Variants in RAMP1 observed in about 807,000 individuals in gnomAD.
RAMP1 encodes receptor activity modifying protein 1.
RAMP1 carries 7 observed loss-of-function variants against 8.2 expected under a neutral mutation model. The observed-to-expected ratio is 0.85, with a 90% CI of 0.49 to 1.60. The LOEUF (loss-of-function observed/expected upper bound fraction) is 1.60, where lower values mean the gene tolerates loss of function less well. RAMP1 is among the 40% of genes most tolerant of loss of function. RAMP1 has a pLI of 0.00. For synonymous variants in RAMP1, 92 were observed against 84.7 expected, an observed-to-expected ratio of 1.09 and a Z score of -0.47; for missense variants, 192 against 202.4, an observed-to-expected ratio of 0.95 and a Z score of 0.31.
At chr2:237,905,205 T>C (rs1473369226) in intron 2 of RAMP1, among the ~76,000 whole-genome samples, 1 of 152,156 alleles carries the variant, frequency 6.6e-6, no homozygotes, top group Admixed American at 6.5e-5. Flanking sequence ...TTCATGACTA[T>C]TTTGGGTCCT....
In RAMP1 at chr2:237,912,099, T is replaced by C. The variant is rs533175387; in HGVS notation, c.*316T>C. The C allele has an allele frequency of 3.4e-3, 1,261 of 374,272 alleles. 9 individuals carry two copies. The highest frequency in any genetic ancestry group is 5.1e-3 in the Admixed American group (124 of 24,522). 23.2% of individuals were successfully genotyped at this position (374,272 alleles called of 1,614,324 possible). A position where few individuals can be genotyped will look rare whatever the true frequency, so the allele number is the denominator to read the frequency against. On this transcript the variant is annotated 3_prime_UTR_variant, in exon 3 of 3. Coordinates refer to ENST00000254661, the MANE Select transcript of RAMP1 (RefSeq NM_005855.4). Reference sequence around the variant, plus strand: ...GAGTGGTTTGTGATTAAAAGGGATGTTCTTGAACTTGGAAAGACTCATTAT... The same window carrying C: ...GAGTGGTTTGTGATTAAAAGGGATGCTCTTGAACTTGGAAAGACTCATTAT...
At position 237,859,644 on chromosome 2, in the gene RAMP1, C is replaced by T. The variant is rs1462211156; in HGVS notation, c.-32C>T. 2.1e-6 allele frequency: 3 copies of T among 1,432,868 alleles called. No homozygotes were observed. Among genetic ancestry groups the T allele is most frequent in the South Asian group, 1.4e-5 (1 of 70,512 alleles). The allele number at this position is 1,432,868 out of a possible 1,614,324, so 88.8% of individuals were successfully genotyped here. On this transcript the variant is annotated 5_prime_UTR_variant, in exon 1 of 3. Coordinates refer to ENST00000254661, the MANE Select transcript of RAMP1 (RefSeq NM_005855.4). Reference sequence around the variant, plus strand: ...GCTCAGTCCTCAGCGGGGCGCGTGGCGAGCGGACTCGACTCGGCACCGCTG... The same window carrying T: ...GCTCAGTCCTCAGCGGGGCGCGTGGTGAGCGGACTCGACTCGGCACCGCTG...
chr2:237,909,361 C>A (rs1456929791), intron 2 of RAMP1, among the ~76,000 whole-genome samples: 3 of 144,734 alleles, frequency 2.1e-5, no homozygotes, highest in African/African-American at 7.4e-5. Context: ...CCTTGCCGAG[C>A]CTGTGCCTGT....
chr2:237,880,733 G>A (rs1169717333), intron 2 of RAMP1, among the ~76,000 whole-genome samples: 2 of 152,174 alleles, frequency 1.3e-5, no homozygotes, highest in Non-Finnish European at 2.9e-5. Flanking sequence ...GAACGTGCTG[G>A]TAAGGCCTTA....
intron 1 of RAMP1, among the ~76,000 whole-genome samples, chr2:237,876,898 G>C (rs372599809): frequency 7.9e-5 from 12 of 152,272 alleles, no homozygotes; most frequent in African/African-American, 2.9e-4. Context: ...CGTGGAACAG[G>C]GGCAGCCAGA....
intron 1 of RAMP1, among the ~76,000 whole-genome samples, chr2:237,876,423 C>T (rs552005366): frequency 5.8e-4 from 89 of 152,208 alleles, no homozygotes; most frequent in Non-Finnish European, 1.1e-3. Context: ...AGGGCCAGGC[C>T]GGTAGGGGTG....
intron 2 of RAMP1, among the ~76,000 whole-genome samples, chr2:237,903,617 C>T (rs2062627460): frequency 6.6e-6 from 1 of 152,128 alleles, no homozygotes; most frequent in Non-Finnish European, 1.5e-5. Context: ...CTCCCACCTC[C>T]CTGGGCTCAT....
chr2:237,875,663 T>G (rs1336784997), intron 1 of RAMP1, among the ~76,000 whole-genome samples: 1 of 152,126 alleles, frequency 6.6e-6, no homozygotes, highest in African/African-American at 2.4e-5. Flanking sequence ...CACACCTGGC[T>G]CTTTGGGACC....
At chr2:237,902,873 A>T (rs34934971) in intron 2 of RAMP1, among the ~76,000 whole-genome samples, 13,687 of 152,204 alleles carry the variant, frequency 0.09, 667 homozygotes, top group Middle Eastern at 0.099. Flanking sequence ...AAACCCAAAA[A>T]AGTTGAGAGA....
chr2:237,910,611 ACACACAGAATAACAGT>A (rs1465881415), intron 2 of RAMP1, among the ~76,000 whole-genome samples: 1 of 148,646 alleles, frequency 6.7e-6, no homozygotes, highest in African/African-American at 2.6e-5. Context: ...TCACACAGTC[ACACACAGAATAACAGT>A]CACACAGAAT....
At position 237,911,964 on chromosome 2, in the gene RAMP1, C is replaced by A; in HGVS notation, c.*181C>A. The A allele has an allele frequency of 2.7e-6, 3 of 1,115,618 alleles. No individual in the cohort carries two copies. Among genetic ancestry groups the A allele is most frequent in the Non-Finnish European group, 3.7e-6 (3 of 809,582 alleles). The allele number at this position is 1,115,618 out of a possible 1,614,324, so 69.1% of individuals were successfully genotyped here. On this transcript the variant is annotated 3_prime_UTR_variant, in exon 3 of 3. Transcript: ENST00000254661. ...GCTCTGGTATTAACCTGGAAGCCCC[C>A]CTGGCTGGAGGCCACCGCCACCCTA...
rs1205769369 is a variant in RAMP1, at chr2:237,909,646, C to T, written c.192-1882C>T. ...CAGTGATGTCTCAGAGCCTCAGTTTCCTCTGCTGCAAGAGGCACTTGACAC... is the reference window on the plus strand; with the variant it reads ...CAGTGATGTCTCAGAGCCTCAGTTTTCTCTGCTGCAAGAGGCACTTGACAC... On this transcript the variant is annotated intron_variant, in intron 2 of 2. Coordinates refer to ENST00000254661, the MANE Select transcript of RAMP1 (RefSeq NM_005855.4). 4.6e-5 allele frequency among the ~76,000 whole-genome samples: 7 copies of T among 152,272 alleles called. No individual in the cohort carries two copies. The South Asian group carries it at 1.2e-3, about 27-fold the overall frequency.
At chr2:237,900,930 C>G (rs931174360) in intron 2 of RAMP1, among the ~76,000 whole-genome samples, 1 of 152,248 alleles carries the variant, frequency 6.6e-6, no homozygotes, top group Non-Finnish European at 1.5e-5. Context: ...GAACCTTTAT[C>G]AGACAGTCAC....
In RAMP1 at chr2:237,911,759, C is replaced by G; in HGVS notation, c.423C>G (p.Ser141Arg). Residue 141 changes from serine to arginine, a missense_variant, in exon 3 of 3, where the codon AGC becomes AGG. Transcript: ENST00000254661. ...TGACGGCACTGGTGGTCTGGCAGAGCAAGCGCACTGAGGGCATTGTGTAGG... is the reference window on the plus strand; with the variant it reads ...TGACGGCACTGGTGGTCTGGCAGAGGAAGCGCACTGAGGGCATTGTGTAGG... ...LLVTALVVWQSKRTEGIV is the reference protein window; with the variant it reads ...LLVTALVVWQRKRTEGIV The G allele has an allele frequency of 1.2e-6, 2 of 1,611,058 alleles. No homozygotes were observed. The highest frequency in any genetic ancestry group is 1.1e-5 in the South Asian group (1 of 90,490).
chr2:237,864,040 C>A (rs960548890), intron 1 of RAMP1, among the ~76,000 whole-genome samples: 1 of 152,174 alleles, frequency 6.6e-6, no homozygotes, highest in South Asian at 2.1e-4. Flanking sequence ...AGTGTCACCC[C>A]CACACATGCC....
chr2:237,896,749 A>C (rs2062546593), intron 2 of RAMP1, among the ~76,000 whole-genome samples: 1 of 152,204 alleles, frequency 6.6e-6, no homozygotes, highest in Admixed American at 6.5e-5. Flanking sequence ...GGACTCAAGC[A>C]ACCCTCTTGA....
intron 1 of RAMP1, among the ~76,000 whole-genome samples, chr2:237,868,591 A>C (rs958049047): frequency 6.1e-5 from 3 of 48,966 alleles, no homozygotes; most frequent in African/African-American, 7.3e-4. Flanking sequence ...AAAAAAAAAC[A>C]AAAAAAAAAA....
At chr2:237,889,522 G>T (rs1416804125) in intron 2 of RAMP1, among the ~76,000 whole-genome samples, 11 of 151,810 alleles carry the variant, frequency 7.2e-5, no homozygotes, top group Non-Finnish European at 1.3e-4. Context: ...TATATTCTGG[G>T]GTCGTACCAC....
chr2:237,891,755 T>C (rs183271922), intron 2 of RAMP1, among the ~76,000 whole-genome samples: 106 of 152,368 alleles, frequency 7.0e-4, no homozygotes, highest in Non-Finnish European at 6.9e-4. Context: ...CTTGTTTTGA[T>C]CTTCAGCTCC....
Sources: allele counts gnomAD v4.1 joint callset (sites outside exome capture counted in the v4.1 genomes callset), GRCh38; gene constraint gnomAD v4.1.1; transcripts MANE v1.5; gene names NCBI Gene and HGNC (gene_info 2026-07-23, HGNC 2026-07-21).